The following NRXN1 variants were observed in gnomAD, a reference collection of about 807,000 sequenced individuals.
The protein encoded by NRXN1 is neurexin 1.
In NRXN1, 39 loss-of-function variants were observed where a neutral mutation model predicts 150.9. The observed-to-expected ratio is 0.26, with a 90% CI of 0.20 to 0.34. The LOEUF (loss-of-function observed/expected upper bound fraction) is 0.34. Ranked by LOEUF, NRXN1 falls within the 10% of genes least tolerant of loss-of-function variation. The pLI, the probability that NRXN1 is intolerant of heterozygous loss-of-function variation, is 1.00. For synonymous variants in NRXN1, 924 were observed against 757.0 expected (o/e 1.22, Z -3.62); for missense variants, 1,815 against 1,949.9 (o/e 0.93, Z 1.30).
chr2:50,851,835 A>G (rs1220336703), intron 5 of NRXN1, among the ~76,000 whole-genome samples: 4 of 152,198 alleles, frequency 2.6e-5, no homozygotes, highest in Non-Finnish European at 4.4e-5. Context: ...TAAATTCTGT[A>G]AGATACGCCT....
At chr2:50,599,692 G>T (rs958303562) in intron 8 of NRXN1, among the ~76,000 whole-genome samples, 25 of 152,168 alleles carry the variant, frequency 1.6e-4, no homozygotes, top group African/African-American at 6.0e-4. Context: ...AGGAATACAT[G>T]ATCAGGAAAT....
At chr2:50,272,726 C>T (rs1202301147) in intron 17 of NRXN1, among the ~76,000 whole-genome samples, 1 of 151,906 alleles carries the variant, frequency 6.6e-6, no homozygotes, top group Non-Finnish European at 1.5e-5. Context: ...GATAATCTCC[C>T]CAAAAGGGAA....
intron 8 of NRXN1, among the ~76,000 whole-genome samples, chr2:50,605,986 A>T (rs1251329994): frequency 6.6e-6 from 1 of 151,990 alleles, no homozygotes; most frequent in Admixed American, 6.6e-5. Flanking sequence ...ATCAGCCAGG[A>T]GCCTGTAATC....
At chr2:50,452,844 C>T (rs1053948999) in intron 17 of NRXN1, among the ~76,000 whole-genome samples, 10 of 152,032 alleles carry the variant, frequency 6.6e-5, no homozygotes, top group African/African-American at 1.2e-4. Context: ...TCAAAGAACA[C>T]AAAAGAATAG....
intron 2 of NRXN1, among the ~76,000 whole-genome samples, chr2:50,969,677 G>C (rs999770939): frequency 3.9e-5 from 6 of 152,058 alleles, no homozygotes; most frequent in African/African-American, 9.7e-5. Flanking sequence ...CTAAATTTAG[G>C]ACAATTGAGG....
intron 17 of NRXN1, among the ~76,000 whole-genome samples, chr2:50,426,622 T>C (rs1297674714): frequency 2.0e-5 from 3 of 152,198 alleles, no homozygotes; most frequent in Non-Finnish European, 4.4e-5. Flanking sequence ...AATGTACCAA[T>C]TCTTTAGAGG....
At chr2:50,524,261 C>T (rs1244306076) in intron 12 of NRXN1, among the ~76,000 whole-genome samples, 1 of 152,050 alleles carries the variant, frequency 6.6e-6, no homozygotes, top group Non-Finnish European at 1.5e-5. Flanking sequence ...GACAGATCAC[C>T]TGAGGTCAGG....
intron 5 of NRXN1, among the ~76,000 whole-genome samples, chr2:50,785,601 C>A (rs891579202): frequency 6.6e-6 from 1 of 151,998 alleles, no homozygotes; most frequent in African/African-American, 2.4e-5. Flanking sequence ...TATGGCAGAC[C>A]CGGCTGACTA....
intron 17 of NRXN1, among the ~76,000 whole-genome samples, chr2:50,460,646 A>G (rs1214621022): frequency 6.6e-6 from 1 of 152,070 alleles, no homozygotes; most frequent in Non-Finnish European, 1.5e-5. Flanking sequence ...CTTCTATGAC[A>G]TATTACATTT....
intron 21 of NRXN1, among the ~76,000 whole-genome samples, chr2:49,994,659 AAGAC>A (rs1448691475): frequency 6.6e-6 from 1 of 152,194 alleles, no homozygotes; most frequent in African/African-American, 2.4e-5. Flanking sequence ...CAAGGAAACA[AAGAC>A]AGAACATGGT....
chr2:50,322,241 A>G (rs915860221), intron 17 of NRXN1, among the ~76,000 whole-genome samples: 3 of 152,100 alleles, frequency 2.0e-5, no homozygotes, highest in Non-Finnish European at 4.4e-5. Context: ...TTGCCTCAAA[A>G]CAATCATTTA....
chr2:49,997,305 T>C (rs1683161691), intron 21 of NRXN1, among the ~76,000 whole-genome samples: 2 of 152,288 alleles, frequency 1.3e-5, no homozygotes, highest in South Asian at 4.1e-4. Flanking sequence ...TTAAATAGTA[T>C]GTATTCATGA....
chr2:50,302,020 G>A (rs1438099333), intron 17 of NRXN1, among the ~76,000 whole-genome samples: 2 of 152,128 alleles, frequency 1.3e-5, no homozygotes, highest in African/African-American at 4.8e-5. Context: ...AATGGAAAAA[G>A]GGGAATACTG....
At chr2:50,285,647 T>C (rs2072052974) in intron 17 of NRXN1, among the ~76,000 whole-genome samples, 1 of 152,188 alleles carries the variant, frequency 6.6e-6, no homozygotes, top group African/African-American at 2.4e-5. Context: ...ACCTGTTGTA[T>C]AGATTGTAAA....
At chr2:50,076,121 C>T (rs1199634524) in intron 19 of NRXN1, among the ~76,000 whole-genome samples, 1 of 152,154 alleles carries the variant, frequency 6.6e-6, no homozygotes, top group Non-Finnish European at 1.5e-5. Flanking sequence ...TGAACTATGT[C>T]TTTCTTAGTA....
intron 17 of NRXN1, among the ~76,000 whole-genome samples, chr2:50,388,257 T>C (rs1362771896): frequency 6.6e-6 from 1 of 152,190 alleles, no homozygotes; most frequent in Non-Finnish European, 1.5e-5. Context: ...TGAATTGTCC[T>C]TGCAGTGGCA....
chr2:50,445,880 T>G (rs1002370208), intron 17 of NRXN1, among the ~76,000 whole-genome samples: 5 of 152,170 alleles, frequency 3.3e-5, no homozygotes, highest in African/African-American at 1.2e-4. Context: ...CCCTACTCTT[T>G]GTCCATTCCT....
At chr2:49,965,427 C>T (rs1676793378) in intron 21 of NRXN1, among the ~76,000 whole-genome samples, 1 of 151,882 alleles carries the variant, frequency 6.6e-6, no homozygotes, top group Non-Finnish European at 1.5e-5. Flanking sequence ...CCACCACGCC[C>T]AGCTAATTTT....
chr2:50,322,863 T>A (rs972584701), intron 17 of NRXN1, among the ~76,000 whole-genome samples: 4 of 152,194 alleles, frequency 2.6e-5, no homozygotes, highest in African/African-American at 9.6e-5. Flanking sequence ...TTCTGTATAA[T>A]AAGCCGACTA....
Sources: allele counts gnomAD v4.1 joint callset (sites outside exome capture counted in the v4.1 genomes callset), GRCh38; gene constraint gnomAD v4.1.1; transcripts MANE v1.5; gene names NCBI Gene and HGNC (gene_info 2026-07-23, HGNC 2026-07-21).